The following SLC5A9 variants were observed in gnomAD, a reference collection of about 807,000 sequenced individuals.
SLC5A9 encodes the protein solute carrier family 5 member 9, also known as sodium/glucose cotransporter 4.
SLC5A9 carries 59 observed loss-of-function variants against 70.9 expected under a neutral mutation model. That is an observed-to-expected ratio of 0.83 (90% confidence interval 0.68 to 1.03). The LOEUF is 1.03. SLC5A9 is among the 50% of genes least tolerant of loss of function. The pLI is 0.00. For synonymous variants in SLC5A9, 340 were observed against 346.5 expected (o/e 0.98, Z 0.21); for missense variants, 832 against 881.1 (o/e 0.94, Z 0.71).
chr1:48,232,032 C>A lies in SLC5A9; in HGVS notation c.778C>A (p.His260Asn), dbSNP rs1207832629. ...TGTCACAGTCCCCAACACCACCTGT[C>A]ACCTCCCACGGCCCGATGCTTTCCA... The part of the protein sequence containing the change: ...PNVTVPNTTC[H>N]LPRPDAFHIL... The change falls in exon 7 of 14, where the codon CAC becomes AAC. Residue 260 changes from histidine to asparagine, a missense_variant. Physicochemically the swap from His to Asn is moderately conservative, Grantham distance 68. Coordinates refer to ENST00000438567, the MANE Select transcript of SLC5A9 (RefSeq NM_001011547.3). 2 of 1,614,090 alleles carry A rather than the reference C, an allele frequency of 1.2e-6. No individual in the cohort carries two copies. The highest frequency in any genetic ancestry group is 2.7e-5 in the African/African-American group (2 of 74,934).
intron 9 of SLC5A9, among the ~76,000 whole-genome samples, chr1:48,234,441 C>T (rs918019164): frequency 3.3e-5 from 5 of 152,064 alleles, no homozygotes; most frequent in East Asian, 1.9e-4. Context: ...CAACTCTGTA[C>T]GAGGCAGGCT....
In SLC5A9 at chr1:48,239,683, T is replaced by C; in HGVS notation, c.1677+146T>C. The C allele has an allele frequency of 2.8e-6, 2 of 725,130 alleles. No individual in the cohort carries two copies. The highest frequency in any genetic ancestry group is 3.5e-5 in the South Asian group (2 of 56,890). The allele number at this position is 725,130 out of a possible 1,614,324, so 44.9% of individuals were successfully genotyped here. A position where few individuals can be genotyped will look rare whatever the true frequency, so the allele number is the denominator to read the frequency against. ...CCTTGGGAGGGAAAGTGCCTTGGGC[T>C]ATGAATTCCCCATTGAAAAGTAATT... On this transcript the variant is annotated intron_variant, in intron 12 of 13. Coordinates refer to ENST00000438567, the MANE Select transcript of SLC5A9 (RefSeq NM_001011547.3). The surrounding 1 kb of genome is among the most constrained non-coding windows in gnomAD (Gnocchi z 4.2).
intron 13 of SLC5A9, among the ~76,000 whole-genome samples, chr1:48,243,521 G>A (rs1644415989): frequency 6.6e-6 from 1 of 152,190 alleles, no homozygotes; most frequent in Non-Finnish European, 1.5e-5. Flanking sequence ...CCTTCCTGGA[G>A]TGAAATGAAA....
chr1:48,232,947 GAA>G (rs1644272654), intron 8 of SLC5A9, among the ~76,000 whole-genome samples: 1 of 122,242 alleles, frequency 8.2e-6, no homozygotes, highest in African/African-American at 3.0e-5. Flanking sequence ...AGAAGAAGAA[GAA>G]GAAAAAAAGG....
intron 12 of SLC5A9, among the ~76,000 whole-genome samples, chr1:48,240,072 G>A (rs1249094186): frequency 6.6e-6 from 1 of 152,200 alleles, no homozygotes; most frequent in Non-Finnish European, 1.5e-5. Context: ...ACAAGCAACG[G>A]CCCTTGAACA....
At chr1:48,236,181 A>G (rs1454387626) in intron 10 of SLC5A9, among the ~76,000 whole-genome samples, 1 of 152,188 alleles carries the variant, frequency 6.6e-6, no homozygotes, top group Non-Finnish European at 1.5e-5. Flanking sequence ...AGTGCATGGA[A>G]AGTTAGCAAG....
chr1:48,224,869 G>A, intron 2 of SLC5A9, 74 bp downstream of exon 2: 1 of 1,409,288 alleles, frequency 7.1e-7, no homozygotes, highest in South Asian at 1.2e-5. Context: ...CCAAGCACTT[G>A]TCCCATCTTC....
At chr1:48,241,224 T>G (rs955952543) in intron 12 of SLC5A9, 1 of 152,106 alleles carries the variant, frequency 6.6e-6, no homozygotes, top group East Asian at 1.9e-4. Context: ...GACCCTCAAT[T>G]CTCTATCTAC....
At chr1:48,242,425 G>T in intron 12 of SLC5A9, 32 bp from the exon 13 acceptor site, 1 of 1,555,760 alleles carries the variant, frequency 6.4e-7, no homozygotes, top group Non-Finnish European at 8.7e-7. Context: ...TCTCTCCAAG[G>T]CAACTGACTC....
intron 12 of SLC5A9, chr1:48,241,964 C>CACTT: frequency 2.2e-6 from 1 of 456,334 alleles, no homozygotes; most frequent in Non-Finnish European, 4.4e-6. Context: ...TTTTTGGCTT[C>CACTT]ACTTTTACAA....
intron 8 of SLC5A9, 23 bp downstream of exon 8, chr1:48,232,525 G>T (rs761769102): frequency 6.2e-7 from 1 of 1,613,390 alleles, no homozygotes; most frequent in Admixed American, 1.7e-5. Flanking sequence ...CTTGCTCTCT[G>T]GGTATTGGGA....
At chr1:48,244,520 C>A (rs916073435) in intron 13 of SLC5A9, among the ~76,000 whole-genome samples, 13 of 151,616 alleles carry the variant, frequency 8.6e-5, no homozygotes, top group Non-Finnish European at 1.6e-4. Flanking sequence ...AAAGCTTCTT[C>A]CCACGATTCA....
chr1:48,232,598 G>A, intron 8 of SLC5A9, 96 bp downstream of exon 8: 1 of 1,504,906 alleles, frequency 6.6e-7, no homozygotes, highest in Non-Finnish European at 9.0e-7. Context: ...TTAGGCCAGA[G>A]CAGGGGTTGG....
chr1:48,224,474 T>A (rs1644115603), intron 1 of SLC5A9, among the ~76,000 whole-genome samples: 1 of 152,170 alleles, frequency 6.6e-6, no homozygotes, highest in Admixed American at 6.5e-5. Context: ...ACACGTGACA[T>A]CCGTTACCTC....
At chr1:48,228,719 A>G in intron 2 of SLC5A9, 131 bp from the exon 3 acceptor site, 1 of 1,417,216 alleles carries the variant, frequency 7.1e-7, no homozygotes, top group Non-Finnish European at 9.4e-7. Context: ...AATTAAATGT[A>G]TTTATGAATG....
rs776075874 is a variant in SLC5A9 at position 48,237,867 on chromosome 1, C to G, written c.1461+20C>G. On this transcript the variant is annotated intron_variant, in intron 11 of 13. Coordinates refer to ENST00000438567, the MANE Select transcript of SLC5A9 (RefSeq NM_001011547.3). ...GAGCCCGTGAGTGCAGTGTACCTGT[C>G]TCTCACATACAGCAGAGGGGCTGGA... is the stretch of plus-strand genomic sequence containing the variant. 1.2e-6 allele frequency: 2 copies of G among 1,612,786 alleles called. No homozygotes were observed.
rs779856218 is a variant in SLC5A9, at chr1:48,237,710, A to G, written c.1324A>G (p.Ile442Val). ...VFVVFLVVISILWIPIIQSSN... is the reference protein window; with the variant it reads ...VFVVFLVVISVLWIPIIQSSN... ...TGTGGTGTTCCTGGTTGTCATCAGC[A>G]TCCTCTGGATCCCCATCATCCAAAG... Residue 442 changes from isoleucine (I) to valine (V), a missense_variant, in exon 11 of 14, where the codon ATC becomes GTC. Ile to Val is a conservative substitution (Grantham distance 29). Transcript: ENST00000438567. 3.2e-5 allele frequency: 52 copies of G among 1,613,910 alleles called. No homozygotes were observed. The African/African-American group carries it at 6.7e-4, about 21-fold the overall frequency.
In SLC5A9 at chr1:48,232,398, GTC is replaced by G. The variant is rs773707275; in HGVS notation, c.931_932del (p.Leu311ValfsTer42). On this transcript the variant is annotated frameshift_variant, in exon 8 of 14. Coordinates refer to ENST00000438567, the MANE Select transcript of SLC5A9 (RefSeq NM_001011547.3). LOFTEE classifies it high-confidence loss of function. ...GTGCAGCGGTCTCTCTCGGCCAAGAGTCTGTCTCATGCCAAGGGAGGCTCCGT... is the reference window on the plus strand; with the variant it reads ...GTGCAGCGGTCTCTCTCGGCCAAGAGTGTCTCATGCCAAGGGAGGCTCCGT... 1.9e-6 allele frequency: 3 copies of G among 1,614,182 alleles called. No individual in the cohort carries two copies. In the South Asian group the frequency reaches 3.3e-5, roughly 18 times the overall value.
intron 10 of SLC5A9, among the ~76,000 whole-genome samples, 159 bp downstream of exon 10, chr1:48,236,038 C>A (rs527923348): frequency 6.6e-6 from 1 of 152,292 alleles, no homozygotes; most frequent in African/African-American, 2.4e-5. Context: ...AAGTCCTTCG[C>A]CAACCCTGGA....
Sources: allele counts gnomAD v4.1 joint callset (sites outside exome capture counted in the v4.1 genomes callset), GRCh38; gene constraint gnomAD v4.1.1; non-coding constraint Gnocchi (gnomAD v3.1); transcripts MANE v1.5; gene names NCBI Gene and HGNC (gene_info 2026-07-23, HGNC 2026-07-21).